GSE1: variants seen among roughly 807,000 people sequenced by gnomAD.
GSE1 encodes Gse1 coiled-coil protein, also known as genetic suppressor element 1.
Under a neutral mutation model 112.6 loss-of-function variants are expected in GSE1, and 32 were observed. The observed-to-expected ratio is 0.28, with a 90% confidence interval of 0.21 to 0.38. GSE1 has a LOEUF of 0.38. Among genes scored for constraint, GSE1 ranks in the 10% least tolerant of loss-of-function variants. The probability of loss-of-function intolerance (pLI) is 1.00; values close to 1 mark genes in which losing one functional copy is unlikely to be tolerated. For missense variants in GSE1, 2,348 were observed against 1,699.2 expected, an observed-to-expected ratio of 1.38 and a Z score of -6.71; for synonymous variants, 1,115 against 735.6, an observed-to-expected ratio of 1.52 and a Z score of -8.35.
At chr16:85,492,757 A>G (rs534335375) in intron 2 of GSE1, among the ~76,000 whole-genome samples, 26,819 of 151,922 alleles carry the variant, frequency 0.18, 2,534 homozygotes, top group African/African-American at 0.24. Flanking sequence ...GGGGATTCTG[A>G]CACATGACCT....
At chr16:85,268,248 A>G (rs1908458099) in intron 1 of GSE1, among the ~76,000 whole-genome samples, 2 of 99,182 alleles carry the variant, frequency 2.0e-5, no homozygotes, top group South Asian at 3.1e-4. Context: ...CAAGGGTTCT[A>G]TAGGCCGCTG....
intron 1 of GSE1, among the ~76,000 whole-genome samples, chr16:85,281,656 A>C (rs951104253): frequency 6.6e-6 from 1 of 152,172 alleles, no homozygotes; most frequent in African/African-American, 2.4e-5. Context: ...GTAAAACTCA[A>C]GTTCCCTCCT....
At chr16:85,196,848 C>A (rs1597777144) in intron 1 of GSE1, among the ~76,000 whole-genome samples, 1 of 151,864 alleles carries the variant, frequency 6.6e-6, no homozygotes, top group East Asian at 1.9e-4. Flanking sequence ...TTATTAAGAT[C>A]AGCAGAATCC....
intron 2 of GSE1, among the ~76,000 whole-genome samples, chr16:85,370,058 G>A (rs772611889): frequency 6.6e-6 from 1 of 152,122 alleles, no homozygotes; most frequent in Non-Finnish European, 1.5e-5. Context: ...CCCTCTAGGT[G>A]GTCCCTGCGC....
At chr16:85,172,308 T>C (rs948025023) in intron 1 of GSE1, among the ~76,000 whole-genome samples, 4 of 152,210 alleles carry the variant, frequency 2.6e-5, no homozygotes, top group Non-Finnish European at 5.9e-5. Context: ...TTCACACTGT[T>C]CTTTTGAGAC....
At chr16:85,634,201 C>A in intron 2 of GSE1, 69 bp downstream of exon 2, 1 of 1,084,550 alleles carries the variant, frequency 9.2e-7, no homozygotes, top group Non-Finnish European at 1.2e-6. Context: ...AGCCTCCCGC[C>A]TGCGGCGTGC....
intron 2 of GSE1, among the ~76,000 whole-genome samples, chr16:85,440,221 G>A (rs1316056289): frequency 6.6e-6 from 1 of 152,234 alleles, no homozygotes; most frequent in Non-Finnish European, 1.5e-5. Context: ...TGGAGGTGAG[G>A]ATCAGGAGAC....
rs573241188 is a variant in GSE1, at chr16:85,383,409, C to T, written c.2464+25766C>T. Among the ~76,000 whole-genome samples, 257 of 152,082 alleles carry T rather than the reference C, an allele frequency of 1.7e-3. 3 individuals are homozygous for T. Among genetic ancestry groups the T allele is most frequent in the African/African-American group, 5.8e-3 (240 of 41,480 alleles). On this transcript the variant is annotated intron_variant, in intron 2 of 2. Transcript: ENST00000637419. The stretch of plus-strand genomic sequence containing the variant: ...ATACACTCACACACATGCACACACA[C>T]GCACACACAGCCTCTGTACATAGAT...
In GSE1 at chr16:85,532,982, C is replaced by T. The variant is rs141951072; in HGVS notation, c.2465-100932C>T. ...ACTCCAAAACCAGCACAAACCAGCCCGCTCCCTACCTCCTGTTCTGCCGGA... is the reference window on the plus strand; with the variant it reads ...ACTCCAAAACCAGCACAAACCAGCCTGCTCCCTACCTCCTGTTCTGCCGGA... On this transcript the variant is annotated intron_variant, in intron 2 of 2. Coordinates refer to the GSE1 transcript ENST00000637419. Among the ~76,000 whole-genome samples, 322 of 152,342 alleles carry T rather than the reference C, an allele frequency of 2.1e-3. 1 individual carries two copies. The highest frequency in any genetic ancestry group is 7.5e-3 in the African/African-American group (312 of 41,588).
At chr16:85,169,593 G>C (rs1250082613) in exon 1 of GSE1, 2 of 982,500 alleles carry the variant, frequency 2.0e-6, no homozygotes, top group East Asian at 1.2e-4. Flanking sequence ...AGCGGGCTGC[G>C]GGCGGCGCGC....
intron 9 of GSE1, chr16:85,662,714 G>A (rs573928536): frequency 1.5e-4 from 72 of 471,562 alleles, no homozygotes; most frequent in Non-Finnish European, 2.4e-4. Flanking sequence ...CCTGCCAGGG[G>A]GAGGAGGGAG....
intron 2 of GSE1, among the ~76,000 whole-genome samples, chr16:85,507,670 C>T (rs2051584648): frequency 6.6e-6 from 1 of 152,144 alleles, no homozygotes; most frequent in South Asian, 2.1e-4. Flanking sequence ...ACCTCTTCTT[C>T]TTATGGGGAC....
intron 2 of GSE1, chr16:85,489,674 T>C (rs1158024965): frequency 6.6e-6 from 1 of 152,194 alleles, no homozygotes; most frequent in East Asian, 1.9e-4. Flanking sequence ...ACCCCCAGTG[T>C]GGTGACTCAG....
intron 1 of GSE1, among the ~76,000 whole-genome samples, chr16:85,257,374 G>A (rs1308834273): frequency 3.3e-5 from 5 of 152,140 alleles, no homozygotes; most frequent in African/African-American, 1.2e-4. Context: ...GCCTCCCAAA[G>A]TGCTGGGATT....
intron 1 of GSE1, among the ~76,000 whole-genome samples, chr16:85,304,610 G>GGGGC (rs1555557467): frequency 8.0e-6 from 1 of 124,574 alleles, no homozygotes; most frequent in Non-Finnish European, 1.7e-5. Flanking sequence ...GCGGGGGGGT[G>GGGGC]GGGCATCCCT....
Position 85,668,409 on chromosome 16 carries a change from C to G in GSE1, c.3400C>G (p.Gln1134Glu). ...GATCGAGGCCGTTTTTGAAGCTTAC[C>G]AGGAACACATAGAAGGTAAGGGGGT... ...QGIEAVFEAY[Q>E]EHIEEQNLER... Residue 1134 changes from glutamine to glutamate, a missense_variant, in exon 14 of 16, where the codon CAG (glutamine) becomes GAG (glutamate). Coordinates refer to ENST00000253458, the MANE Select transcript of GSE1 (RefSeq NM_014615.5). 6.2e-7 allele frequency: 1 copy of G among 1,606,740 alleles called. No individual in the cohort carries two copies. Among genetic ancestry groups the G allele is most frequent in the Non-Finnish European group, 8.5e-7 (1 of 1,177,912 alleles).
At chr16:85,390,949 C>T (rs1396304951) in intron 2 of GSE1, among the ~76,000 whole-genome samples, 10 of 152,226 alleles carry the variant, frequency 6.6e-5, no homozygotes, top group South Asian at 2.1e-4. Context: ...CCGGGCAACG[C>T]GGGGAACTGA....
rs371557812 is a variant in GSE1, at chr16:85,613,377, C to G, written c.-15C>G. The G allele has an allele frequency of 5.1e-6, 8 of 1,568,106 alleles. No individual in the cohort carries two copies. In the African/African-American group the frequency reaches 1.1e-4, roughly 21 times the overall value. ...CCAGCATGTATCAGCCGAGGTGGAG[C>G]TGCGGGGCCCTGGCATGAAAGGTGA... On this transcript the variant is annotated 5_prime_UTR_variant, in exon 1 of 16. Transcript: ENST00000253458.
chr16:85,219,018 T>C (rs1167703774), intron 1 of GSE1, among the ~76,000 whole-genome samples: 1 of 152,166 alleles, frequency 6.6e-6, no homozygotes, highest in Non-Finnish European at 1.5e-5. Flanking sequence ...TAGCTGGGAC[T>C]ACAGGTGCCT....
Sources: allele counts gnomAD v4.1 joint callset (sites outside exome capture counted in the v4.1 genomes callset), GRCh38; gene constraint gnomAD v4.1.1; transcripts MANE v1.5; gene names NCBI Gene and HGNC (gene_info 2026-07-23, HGNC 2026-07-21).